The following KSR2 variants were observed in gnomAD, a reference collection of about 807,000 sequenced individuals.
The protein encoded by KSR2 is kinase suppressor of ras 2.
In KSR2, 25 loss-of-function variants were observed where a neutral mutation model predicts 107.8. The ratio of observed to expected loss-of-function variants is 0.23; its 90% CI spans 0.17 to 0.32. The LOEUF (loss-of-function observed/expected upper bound fraction) is 0.32. Among genes scored for constraint, KSR2 ranks in the 10% least tolerant of loss-of-function variants. The pLI is 1.00. For synonymous variants in KSR2, 480 were observed against 507.0 expected, an observed-to-expected ratio of 0.95 and a Z score of 0.71; for missense variants, 887 against 1,268.9, an observed-to-expected ratio of 0.70 and a Z score of 4.57.
chr12:117,701,686 A>G (rs1886324511), intron 4 of KSR2, among the ~76,000 whole-genome samples: 1 of 152,150 alleles, frequency 6.6e-6, no homozygotes, highest in South Asian at 2.1e-4. Context: ...TTTGTAAGAG[A>G]AAGGCAGGGA....
At position 117,731,787 on chromosome 12, in the gene KSR2, G is replaced by C. The variant is rs574214862; in HGVS notation, c.986+29224C>G. 1.7e-3 allele frequency among the ~76,000 whole-genome samples: 255 copies of C among 151,480 alleles called. 2 individuals are homozygous for C. The highest frequency in any genetic ancestry group is 5.8e-3 in the African/African-American group (238 of 41,288). ...TGCTGTGTCCACTCAGGGTTAAATG[G>C]ATTAAGGGCGGTGCAAGATGTGCTT... is the stretch of plus-strand genomic sequence containing the variant. On this transcript the variant is annotated intron_variant, in intron 4 of 19. Coordinates refer to ENST00000339824, the MANE Select transcript of KSR2 (RefSeq NM_173598.6).
In KSR2 at chr12:117,558,512, G is replaced by A; in HGVS notation, c.1387C>T (p.Arg463Ter). The A allele has an allele frequency of 2.5e-6, 4 of 1,613,798 alleles. No homozygotes were observed. The highest frequency in any genetic ancestry group is 2.5e-6 in the Non-Finnish European group (3 of 1,179,760). The change falls in exon 8 of 20, where the codon CGA (arginine) becomes TGA (stop). Residue 463 changes from arginine (R) to a stop codon, truncating the protein, a stop_gained. Transcript: ENST00000339824. LOFTEE classifies it high-confidence loss of function. Reference sequence around the variant, plus strand: ...GTAAGTGTTAAATAGTTACCTCCTCGGTGGATGATCAGAAGATGACAGGGT... The same window carrying A: ...GTAAGTGTTAAATAGTTACCTCCTCAGTGGATGATCAGAAGATGACAGGGT... The part of the protein sequence containing the change: ...APPCHLLIIH[R>*]GDPARLVRTE...
At chr12:117,772,044 C>T (rs974448609) in intron 3 of KSR2, among the ~76,000 whole-genome samples, 27 of 148,614 alleles carry the variant, frequency 1.8e-4, no homozygotes, top group African/African-American at 5.2e-4. Flanking sequence ...CCACCAAAGA[C>T]GCACAAACAC....
intron 10 of KSR2, among the ~76,000 whole-genome samples, chr12:117,537,762 G>T (rs1373925436): frequency 6.6e-6 from 1 of 152,200 alleles, no homozygotes; most frequent in South Asian, 2.1e-4. Context: ...AGCAGATGGG[G>T]ATAAGGTGGC....
chr12:117,839,802 G>T (rs1442233006), intron 3 of KSR2, among the ~76,000 whole-genome samples: 1 of 152,198 alleles, frequency 6.6e-6, no homozygotes, highest in African/African-American at 2.4e-5. Flanking sequence ...GTGAATCAGT[G>T]AGAAAACCAT....
At chr12:117,815,976 A>AC (rs1204050871) in intron 3 of KSR2, among the ~76,000 whole-genome samples, 1 of 146,056 alleles carries the variant, frequency 6.8e-6, no homozygotes. Flanking sequence ...CTCTGTCTCA[A>AC]AAAAAAAAAA....
intron 10 of KSR2, among the ~76,000 whole-genome samples, chr12:117,533,315 C>T (rs1016191717): frequency 1.4e-4 from 21 of 152,214 alleles, no homozygotes; most frequent in African/African-American, 5.1e-4. Context: ...GGAGTAAGTC[C>T]TACTATCTCA....
At chr12:117,722,696 G>A (rs2136693377) in intron 4 of KSR2, among the ~76,000 whole-genome samples, 1 of 152,280 alleles carries the variant, frequency 6.6e-6, no homozygotes, top group Non-Finnish European at 1.5e-5. Context: ...GTAGCCCTCA[G>A]GGCTGCTCTG....
At chr12:117,717,003 G>A (rs1251944518) in intron 4 of KSR2, among the ~76,000 whole-genome samples, 1 of 152,142 alleles carries the variant, frequency 6.6e-6, no homozygotes, top group Non-Finnish European at 1.5e-5. Context: ...GACTTTTCAA[G>A]TCTATTGACT....
chr12:117,904,979 C>T (rs886177798), intron 1 of KSR2, among the ~76,000 whole-genome samples: 5 of 152,098 alleles, frequency 3.3e-5, no homozygotes, highest in Admixed American at 6.5e-5. Flanking sequence ...GTCAGGAGTT[C>T]GAGACCAGCT....
chr12:117,627,671 T>A (rs1882594396), intron 5 of KSR2, among the ~76,000 whole-genome samples: 1 of 152,202 alleles, frequency 6.6e-6, no homozygotes, highest in Non-Finnish European at 1.5e-5. Flanking sequence ...ATCTGACAAT[T>A]ATGTGTCTTG....
At chr12:117,720,037 A>T (rs530885586) in intron 4 of KSR2, among the ~76,000 whole-genome samples, 45 of 152,308 alleles carry the variant, frequency 3.0e-4, no homozygotes, top group African/African-American at 9.9e-4. Flanking sequence ...AATAACTTGA[A>T]GTTTGGAAGC....
At chr12:117,780,657 C>T (rs1487475729) in intron 3 of KSR2, among the ~76,000 whole-genome samples, 1 of 152,112 alleles carries the variant, frequency 6.6e-6, no homozygotes, top group African/African-American at 2.4e-5. Flanking sequence ...TTTAATGCCA[C>T]TAAACTGTAC....
intron 16 of KSR2, among the ~76,000 whole-genome samples, chr12:117,481,738 T>C (rs1872188564): frequency 6.6e-6 from 1 of 152,234 alleles, no homozygotes; most frequent in African/African-American, 2.4e-5. Flanking sequence ...CTGGCCCTGC[T>C]TCCTGCAAAG....
rs548867865 is a variant in KSR2, at chr12:117,622,901, T to C, written c.1172-40542A>G. On this transcript the variant is annotated intron_variant, in intron 5 of 19. Coordinates refer to ENST00000339824, the MANE Select transcript of KSR2 (RefSeq NM_173598.6). ...ATACTGCCCTCTTGGAATGCATTGT[T>C]GGGTCTGGGAGAAAGACAAATAGCC... Among the ~76,000 whole-genome samples the C allele has an allele frequency of 1.5e-4, 23 of 152,312 alleles. No homozygotes were observed. The South Asian group carries it at 3.7e-3, about 25-fold the overall frequency.
At chr12:117,667,787 C>A (rs1884729380) in intron 4 of KSR2, 129 bp from the exon 5 acceptor site, 1 of 753,372 alleles carries the variant, frequency 1.3e-6, no homozygotes, top group African/African-American at 1.8e-5. Context: ...GAAGAGCCCA[C>A]AGGCTTTTAG....
rs112291497 is a variant in KSR2 at position 117,724,221 on chromosome 12, T to C, written c.986+36790A>G. Among the ~76,000 whole-genome samples, 326 of 150,840 alleles carry C rather than the reference T, an allele frequency of 2.2e-3. 4 individuals carry two copies. The highest frequency in any genetic ancestry group is 7.7e-3 in the African/African-American group (316 of 41,040). ...TACTTAGGAGGCTTACGTGGGAGAATTGCTTGAATTTGGGAGGTGGAAGTT... is the reference window on the plus strand; with the variant it reads ...TACTTAGGAGGCTTACGTGGGAGAACTGCTTGAATTTGGGAGGTGGAAGTT... On this transcript the variant is annotated intron_variant, in intron 4 of 19. Coordinates refer to ENST00000339824, the MANE Select transcript of KSR2 (RefSeq NM_173598.6).
intron 1 of KSR2, among the ~76,000 whole-genome samples, chr12:117,876,419 G>A (rs1893852416): frequency 6.6e-6 from 1 of 152,188 alleles, no homozygotes; most frequent in African/African-American, 2.4e-5. Context: ...GGGCAGTCCC[G>A]CCGAATGCTG....
At chr12:117,514,121 A>G (rs1394128853) in intron 14 of KSR2, among the ~76,000 whole-genome samples, 1 of 152,260 alleles carries the variant, frequency 6.6e-6, no homozygotes, top group Non-Finnish European at 1.5e-5. Context: ...CTTGCCTTCA[A>G]AACATGCAAA....
Sources: allele counts gnomAD v4.1 joint callset (sites outside exome capture counted in the v4.1 genomes callset), GRCh38; gene constraint gnomAD v4.1.1; transcripts MANE v1.5; gene names NCBI Gene and HGNC (gene_info 2026-07-23, HGNC 2026-07-21).